The following DNER variants were observed in gnomAD, a reference collection of about 807,000 sequenced individuals.
DNER encodes delta/notch like EGF repeat containing.
A neutral mutation model predicts 78.2 loss-of-function variants in DNER; 33 were observed. The observed-to-expected ratio is 0.42, with a 90% CI of 0.32 to 0.56. The LOEUF is 0.56. DNER is among the 20% of genes least tolerant of loss of function. The pLI is 0.11. For missense variants in DNER, 918 were observed against 975.3 expected (o/e 0.94, Z 0.78); for synonymous variants, 417 against 384.8 (o/e 1.08, Z -0.98).
intron 5 of DNER, among the ~76,000 whole-genome samples, chr2:229,541,878 T>G (rs1221140458): frequency 3.5e-5 from 4 of 114,752 alleles, no homozygotes; most frequent in Non-Finnish European, 1.8e-5. Flanking sequence ...TATATTTATA[T>G]TTATTTATAT....
intron 1 of DNER, among the ~76,000 whole-genome samples, chr2:229,644,921 T>C (rs1698688243): frequency 6.6e-6 from 1 of 152,130 alleles, no homozygotes; most frequent in Non-Finnish European, 1.5e-5. Flanking sequence ...CTGCAGGGTG[T>C]TTGTTGACAC....
intron 7 of DNER, among the ~76,000 whole-genome samples, chr2:229,451,233 C>T (rs796543350): frequency 1.7e-4 from 26 of 152,238 alleles, no homozygotes; most frequent in African/African-American, 3.4e-4. Flanking sequence ...CTGAGGCAGG[C>T]GGATCACGAG....
intron 12 of DNER, among the ~76,000 whole-genome samples, chr2:229,361,823 G>A (rs1358776783): frequency 7.1e-6 from 1 of 141,644 alleles, no homozygotes; most frequent in Non-Finnish European, 1.5e-5. Flanking sequence ...TCTGTGTAAT[G>A]TTTTACTCAG....
At chr2:229,432,637 C>A (rs1166436197) in intron 8 of DNER, among the ~76,000 whole-genome samples, 1 of 152,150 alleles carries the variant, frequency 6.6e-6, no homozygotes, top group Non-Finnish European at 1.5e-5. Flanking sequence ...GGTCTCAGTG[C>A]AGTCCCCAGA....
chr2:229,479,854 G>A (rs1464366976), intron 6 of DNER, among the ~76,000 whole-genome samples: 1 of 152,096 alleles, frequency 6.6e-6, no homozygotes, highest in African/African-American at 2.4e-5. Flanking sequence ...TCTACAATAT[G>A]GCTAGAAAAG....
chr2:229,514,133 T>C (rs1695925520), intron 5 of DNER, among the ~76,000 whole-genome samples: 1 of 152,214 alleles, frequency 6.6e-6, no homozygotes, highest in South Asian at 2.1e-4. Flanking sequence ...TATGTTTTTG[T>C]AGCTATTGAT....
At chr2:229,586,775 T>C in intron 3 of DNER, 8 of 985,888 alleles carry the variant, frequency 8.1e-6, no homozygotes, top group Non-Finnish European at 9.6e-6. Context: ...TCCTGACCAC[T>C]TCCCAACATC....
In DNER at chr2:229,693,949, C is replaced by T. The variant is rs191064198; in HGVS notation, c.276+20199G>A. On this transcript the variant is annotated intron_variant, in intron 1 of 12. Transcript: ENST00000341772. ...GGCATGTCAGAGACCTTCACAGCAGCCCCTCCTATCACAGGCCTGGAGGCC... is the reference window on the plus strand; with the variant it reads ...GGCATGTCAGAGACCTTCACAGCAGTCCCTCCTATCACAGGCCTGGAGGCC... Among the ~76,000 whole-genome samples the T allele has an allele frequency of 4.7e-4, 72 of 152,304 alleles. 1 individual carries two copies. The highest frequency in any genetic ancestry group is 9.3e-4 in the Non-Finnish European group (63 of 67,996).
intron 8 of DNER, among the ~76,000 whole-genome samples, chr2:229,432,090 G>C (rs1470189975): frequency 6.6e-6 from 1 of 152,090 alleles, no homozygotes; most frequent in African/African-American, 2.4e-5. Context: ...TAAATACTAA[G>C]TATAATGACA....
intron 6 of DNER, among the ~76,000 whole-genome samples, chr2:229,508,607 C>T (rs369477932): frequency 1.3e-4 from 20 of 152,066 alleles, no homozygotes; most frequent in Non-Finnish European, 2.4e-4. Context: ...ACAGGCTGGG[C>T]GCGGTGGCTC....
chr2:229,712,578 C>T (rs748969308), intron 1 of DNER, among the ~76,000 whole-genome samples: 1 of 152,320 alleles, frequency 6.6e-6, no homozygotes, highest in Non-Finnish European at 1.5e-5. Flanking sequence ...TCAGACAATT[C>T]ATTTCTTCAG....
intron 1 of DNER, among the ~76,000 whole-genome samples, chr2:229,619,531 C>A (rs73998299): frequency 1.6e-3 from 248 of 152,206 alleles, no homozygotes; most frequent in African/African-American, 5.8e-3. Flanking sequence ...GGGGGTGAGA[C>A]GGCAATGTCC....
Position 229,703,932 on chromosome 2 carries a change from A to G in DNER, c.276+10216T>C, listed in dbSNP as rs1262986230. ...AGAAAGAGAGAAAAAGAAAAAAAAA[A>G]AAAGAAAGGGAAAGGAGAAGCCACA... On this transcript the variant is annotated intron_variant, in intron 1 of 12. Transcript: ENST00000341772. Among the ~76,000 whole-genome samples the G allele has an allele frequency of 2.0e-5, 3 of 152,078 alleles. No homozygotes were observed. The East Asian group carries it at 5.8e-4, about 29-fold the overall frequency.
At chr2:229,444,224 G>A (rs140656095) in intron 8 of DNER, among the ~76,000 whole-genome samples, 2,047 of 152,294 alleles carry the variant, frequency 0.013, 30 homozygotes, top group Non-Finnish European at 0.015. Flanking sequence ...CACATAGCTC[G>A]AGAATCCTGC....
At chr2:229,372,664 A>G (rs1367851956) in intron 11 of DNER, among the ~76,000 whole-genome samples, 2 of 152,200 alleles carry the variant, frequency 1.3e-5, no homozygotes, top group Non-Finnish European at 2.9e-5. Flanking sequence ...GAGTGTTCCA[A>G]TTTGCACTTT....
intron 1 of DNER, among the ~76,000 whole-genome samples, chr2:229,666,989 G>C (rs568802771): frequency 6.6e-6 from 1 of 152,310 alleles, no homozygotes; most frequent in African/African-American, 2.4e-5. Flanking sequence ...TCACATTTGG[G>C]CAGGAAAATA....
chr2:229,491,519 T>C (rs1035438708), intron 6 of DNER, among the ~76,000 whole-genome samples: 4 of 152,228 alleles, frequency 2.6e-5, no homozygotes, highest in Admixed American at 6.5e-5. Flanking sequence ...ATAGCACTTG[T>C]GCATAGCATA....
At chr2:229,376,809 G>A (rs1193694054) in intron 11 of DNER, among the ~76,000 whole-genome samples, 1 of 152,080 alleles carries the variant, frequency 6.6e-6, no homozygotes, top group Non-Finnish European at 1.5e-5. Flanking sequence ...GGAGTGAGGT[G>A]GGGATCTGGA....
chr2:229,503,833 C>A lies in DNER; in HGVS notation c.1147+8950G>T, dbSNP rs903472967. The stretch of plus-strand genomic sequence containing the variant: ...CTCAGCTCACTGCAACCTCTGCCTC[C>A]TGGGTTCAAGTGATCCTCCCACTTC... On this transcript the variant is annotated intron_variant, in intron 6 of 12. Coordinates refer to ENST00000341772, the MANE Select transcript of DNER (RefSeq NM_139072.4). 4.6e-5 allele frequency among the ~76,000 whole-genome samples: 7 copies of A among 152,304 alleles called. No homozygotes were observed. The South Asian group carries it at 1.4e-3, about 32-fold the overall frequency.
Sources: gnomAD v4.1 joint callset for allele counts (sites outside exome capture counted in the v4.1 genomes callset) on GRCh38, gnomAD v4.1.1 for gene constraint, MANE v1.5 for transcripts, NCBI Gene and HGNC (gene_info 2026-07-23, HGNC 2026-07-21) for gene names.